Variants in WWOX observed in about 807,000 individuals in gnomAD.
WWOX encodes the protein WW domain-containing oxidoreductase.
In WWOX, 69 loss-of-function variants were observed where a neutral mutation model predicts 46.2. That is an observed-to-expected ratio of 1.49 (90% CI 1.23 to 1.82). WWOX has a LOEUF of 1.82. Ranked by LOEUF, WWOX falls within the 40% of genes most tolerant of loss-of-function variation. The pLI is 0.00. For missense variants in WWOX, 919 were observed against 542.6 expected, an observed-to-expected ratio of 1.69 and a Z score of -6.89; for synonymous variants, 359 against 202.6, an observed-to-expected ratio of 1.77 and a Z score of -6.56.
At chr16:78,229,531 TAA>T (rs1422558614) in intron 5 of WWOX, among the ~76,000 whole-genome samples, 46 of 148,098 alleles carry the variant, frequency 3.1e-4, no homozygotes, top group East Asian at 7.8e-4. Context: ...TATATATATA[TAA>T]AATAATGAAT....
At chr16:78,552,522 G>A (rs1685334306) in intron 8 of WWOX, 1 of 152,222 alleles carries the variant, frequency 6.6e-6, no homozygotes, top group Non-Finnish European at 1.5e-5. Context: ...GGAGCGATGA[G>A]TAGAGGAGCA....
intron 8 of WWOX, among the ~76,000 whole-genome samples, chr16:78,811,647 A>C (rs2051192332): frequency 6.6e-6 from 1 of 152,082 alleles, no homozygotes; most frequent in South Asian, 2.1e-4. Context: ...CTGGGATTAC[A>C]GGCATGAGCC....
intron 5 of WWOX, among the ~76,000 whole-genome samples, chr16:78,226,894 T>C (rs1477838800): frequency 6.6e-6 from 1 of 152,174 alleles, no homozygotes; most frequent in Non-Finnish European, 1.5e-5. Flanking sequence ...AATGCACCCC[T>C]TGCCTTTCAA....
chr16:79,170,580 G>A (rs968776294), intron 8 of WWOX, among the ~76,000 whole-genome samples: 3 of 150,886 alleles, frequency 2.0e-5, no homozygotes, highest in Non-Finnish European at 4.4e-5. Flanking sequence ...GCAAATGATT[G>A]CTTGATTCTA....
intron 8 of WWOX, among the ~76,000 whole-genome samples, chr16:78,531,135 G>A (rs1453469278): frequency 6.6e-6 from 1 of 152,060 alleles, no homozygotes. Flanking sequence ...TTTTGGTAGA[G>A]AACCTTGCTA....
chr16:78,743,918 A>G (rs901302581), intron 8 of WWOX, among the ~76,000 whole-genome samples: 1 of 152,080 alleles, frequency 6.6e-6, no homozygotes, highest in African/African-American at 2.4e-5. Context: ...TTGAGCCTCT[A>G]TGCTTGGGCT....
intron 8 of WWOX, among the ~76,000 whole-genome samples, chr16:79,114,111 G>A (rs933567556): frequency 2.0e-5 from 3 of 152,162 alleles, no homozygotes; most frequent in Non-Finnish European, 2.9e-5. Flanking sequence ...GTTAGAGCCA[G>A]GATTTGAACC....
intron 8 of WWOX, among the ~76,000 whole-genome samples, chr16:78,824,916 T>C (rs1279406197): frequency 4.6e-5 from 7 of 152,062 alleles, no homozygotes; most frequent in Admixed American, 3.3e-4. Context: ...TTGGGAGCAA[T>C]TTTTGGGTTG....
intron 8 of WWOX, among the ~76,000 whole-genome samples, chr16:78,702,106 A>G (rs1402645155): frequency 7.7e-6 from 1 of 129,956 alleles, no homozygotes; most frequent in African/African-American, 3.3e-5. Context: ...AAAGTTATAT[A>G]TATATATATA....
intron 5 of WWOX, chr16:78,267,205 A>G (rs1166408128): frequency 1.3e-5 from 2 of 152,224 alleles, no homozygotes; most frequent in African/African-American, 4.8e-5. Flanking sequence ...ATGAACTAAT[A>G]CACATAGACA....
At chr16:78,383,384 A>C (rs2081995408) in intron 5 of WWOX, among the ~76,000 whole-genome samples, 1 of 152,160 alleles carries the variant, frequency 6.6e-6, no homozygotes, top group Non-Finnish European at 1.5e-5. Flanking sequence ...ATCTATAATT[A>C]GTTTCAAATA....
chr16:78,854,022 T>G (rs555672619), intron 8 of WWOX, among the ~76,000 whole-genome samples: 6 of 152,364 alleles, frequency 3.9e-5, no homozygotes, highest in African/African-American at 1.2e-4. Flanking sequence ...AATTGTCTGT[T>G]GTACCACCAC....
intron 8 of WWOX, among the ~76,000 whole-genome samples, chr16:78,936,292 T>C (rs2045735742): frequency 6.6e-6 from 1 of 152,152 alleles, no homozygotes; most frequent in South Asian, 2.1e-4. Context: ...GAGCTTAAGA[T>C]GGCTGCGTCC....
At chr16:79,184,668 G>C (rs141368808) in intron 8 of WWOX, among the ~76,000 whole-genome samples, 1 of 152,174 alleles carries the variant, frequency 6.6e-6, no homozygotes, top group Admixed American at 6.5e-5. Context: ...CTCCCACCCC[G>C]TGGTGATTCA....
rs2048867777 is a variant in WWOX at position 79,087,103 on chromosome 16, T to A, written c.1057-124505T>A. On this transcript the variant is annotated intron_variant, in intron 8 of 8. Coordinates refer to ENST00000566780, the MANE Select transcript of WWOX (RefSeq NM_016373.4). Reference sequence around the variant, plus strand: ...GGCACTGATGGAGTAAGGATGGAGATGGGAATTGCATTTTAGAGGTAAGAA... The same window carrying A: ...GGCACTGATGGAGTAAGGATGGAGAAGGGAATTGCATTTTAGAGGTAAGAA... 4.6e-5 allele frequency among the ~76,000 whole-genome samples: 7 copies of A among 152,076 alleles called. No individual in the cohort carries two copies. The South Asian group carries it at 1.4e-3, about 31-fold the overall frequency.
chr16:78,682,473 C>T (rs2047752294), intron 8 of WWOX, among the ~76,000 whole-genome samples: 1 of 152,004 alleles, frequency 6.6e-6, no homozygotes, highest in Non-Finnish European at 1.5e-5. Context: ...ATCCCAGCTA[C>T]ACAGAAGGCT....
intron 8 of WWOX, among the ~76,000 whole-genome samples, chr16:78,841,564 G>A (rs1004759058): frequency 2.0e-5 from 3 of 152,188 alleles, no homozygotes; most frequent in Admixed American, 2.0e-4. Flanking sequence ...TATGATGTCT[G>A]TATTAAAATA....
chr16:78,751,806 G>T (rs1171218997), intron 8 of WWOX, among the ~76,000 whole-genome samples: 1 of 151,710 alleles, frequency 6.6e-6, no homozygotes, highest in East Asian at 1.9e-4. Context: ...GAGAGAAAAG[G>T]AAGAGAAAGG....
intron 5 of WWOX, among the ~76,000 whole-genome samples, chr16:78,318,745 C>G (rs185111699): frequency 6.6e-6 from 1 of 152,200 alleles, no homozygotes; most frequent in East Asian, 1.9e-4. Context: ...TATTTTAACA[C>G]TATTCTGATA....
Sources: allele counts gnomAD v4.1 joint callset (sites outside exome capture counted in the v4.1 genomes callset), GRCh38; gene constraint gnomAD v4.1.1; transcripts MANE v1.5; gene names NCBI Gene and HGNC (gene_info 2026-07-23, HGNC 2026-07-21).